The following DOCK10 variants were observed in gnomAD, a reference collection of about 807,000 sequenced individuals.
DOCK10 encodes dedicator of cytokinesis 10, also known as dedicator of cytokinesis protein 10.
Under a neutral mutation model 280.1 loss-of-function variants are expected in DOCK10, and 145 were observed. The ratio of observed to expected loss-of-function variants is 0.52; its 90% CI spans 0.45 to 0.59. The LOEUF (loss-of-function observed/expected upper bound fraction) is 0.59. Among genes scored for constraint, DOCK10 ranks in the 20% least tolerant of loss-of-function variants. The pLI is 0.00. For missense variants in DOCK10, 2,368 were observed against 2,651.7 expected (o/e 0.89, Z 2.35); for synonymous variants, 915 against 942.2 (o/e 0.97, Z 0.53).
intron 1 of DOCK10, among the ~76,000 whole-genome samples, chr2:224,964,965 T>C (rs1704649170): frequency 6.6e-6 from 1 of 152,194 alleles, no homozygotes; most frequent in Admixed American, 6.5e-5. Flanking sequence ...AGTATGGATG[T>C]CCGCAGCAAA....
chr2:224,996,641 A>T (rs1211644266), intron 1 of DOCK10, among the ~76,000 whole-genome samples: 1 of 152,228 alleles, frequency 6.6e-6, no homozygotes, highest in East Asian at 1.9e-4. Flanking sequence ...AAATCAAATA[A>T]GAAAATCCAT....
At chr2:225,034,342 T>C (rs1405360545) in intron 1 of DOCK10, among the ~76,000 whole-genome samples, 1 of 152,206 alleles carries the variant, frequency 6.6e-6, no homozygotes, top group Non-Finnish European at 1.5e-5. Context: ...TCCTCATCTA[T>C]AAAATGAGAA....
chr2:224,860,792 G>A (rs902851853), intron 14 of DOCK10: 1 of 152,202 alleles, frequency 6.6e-6, no homozygotes, highest in South Asian at 2.1e-4. Flanking sequence ...GCCCAGGCTG[G>A]TCTAGAATTC....
chr2:224,840,641 G>T (rs1162476531), intron 23 of DOCK10, among the ~76,000 whole-genome samples: 1 of 152,166 alleles, frequency 6.6e-6, no homozygotes, highest in East Asian at 1.9e-4. Context: ...GGAGGAGAAG[G>T]AACACTTGCA....
intron 25 of DOCK10, among the ~76,000 whole-genome samples, chr2:224,835,259 T>C (rs903336402): frequency 1.3e-5 from 2 of 152,244 alleles, no homozygotes; most frequent in Non-Finnish European, 2.9e-5. Flanking sequence ...GTGAGTAACG[T>C]CATCATCAAT....
At chr2:224,869,612 C>T (rs890217173) in intron 11 of DOCK10, among the ~76,000 whole-genome samples, 7 of 152,092 alleles carry the variant, frequency 4.6e-5, no homozygotes, top group African/African-American at 1.7e-4. Flanking sequence ...AAGTAATTTC[C>T]TAGTTTTTCA....
intron 22 of DOCK10, 127 bp from the exon 23 acceptor site, chr2:224,842,023 G>T: frequency 3.0e-6 from 2 of 672,146 alleles, no homozygotes; most frequent in South Asian, 3.8e-5. Context: ...GCTTTATTAA[G>T]GAGTCAGAGG....
intron 47 of DOCK10, among the ~76,000 whole-genome samples, chr2:224,791,788 A>C (rs1018313518): frequency 6.6e-6 from 1 of 152,092 alleles, no homozygotes; most frequent in Admixed American, 6.6e-5. Context: ...CAAATGTCTT[A>C]TATGCAAAAT....
intron 52 of DOCK10, among the ~76,000 whole-genome samples, chr2:224,774,421 T>C (rs369237474): frequency 4.6e-4 from 70 of 152,296 alleles, no homozygotes; most frequent in African/African-American, 1.7e-3. Flanking sequence ...TAAAAGTGTG[T>C]TGAGGAAATG....
At chr2:224,992,977 T>C (rs1238552986) in intron 1 of DOCK10, among the ~76,000 whole-genome samples, 2 of 152,190 alleles carry the variant, frequency 1.3e-5, no homozygotes, top group African/African-American at 4.8e-5. Flanking sequence ...CCTATAAATA[T>C]TTCTTTTGAA....
chr2:224,945,718 T>C (rs1016395891), intron 1 of DOCK10, among the ~76,000 whole-genome samples: 2 of 152,076 alleles, frequency 1.3e-5, no homozygotes, highest in African/African-American at 4.8e-5. Context: ...CCATCTCTGT[T>C]TCTATATTAA....
At chr2:224,838,155 A>C (rs773409209) in intron 24 of DOCK10, among the ~76,000 whole-genome samples, 4 of 152,216 alleles carry the variant, frequency 2.6e-5, no homozygotes, top group Non-Finnish European at 5.9e-5. Context: ...TGCGTTTTTG[A>C]CATTATCTTT....
At chr2:224,823,892 A>G (rs1282312289) in intron 27 of DOCK10, among the ~76,000 whole-genome samples, 1 of 152,188 alleles carries the variant, frequency 6.6e-6, no homozygotes, top group South Asian at 2.1e-4. Flanking sequence ...GTCAATCATA[A>G]CAAATATTAA....
chr2:224,854,696 T>A (rs981519809), intron 16 of DOCK10, among the ~76,000 whole-genome samples: 5 of 152,190 alleles, frequency 3.3e-5, no homozygotes, highest in Admixed American at 1.3e-4. Flanking sequence ...ACCAGGTAAG[T>A]AAGTGTTAGG....
intron 1 of DOCK10, among the ~76,000 whole-genome samples, chr2:224,933,865 C>T (rs1221501891): frequency 6.6e-6 from 1 of 152,126 alleles, no homozygotes; most frequent in African/African-American, 2.4e-5. Flanking sequence ...CGGGTTCTCA[C>T]TATCTTTTAA....
At chr2:224,869,301 G>T (rs1221973476) in intron 11 of DOCK10, among the ~76,000 whole-genome samples, 1 of 152,132 alleles carries the variant, frequency 6.6e-6, no homozygotes, top group Non-Finnish European at 1.5e-5. Context: ...AAAATTACAT[G>T]CTGTCAAACA....
In DOCK10 at chr2:224,765,555, CAAA is replaced by C; in HGVS notation, c.*163_*165del. 1.8e-6 allele frequency: 1 copy of C among 550,248 alleles called. No individual in the cohort carries two copies. The highest frequency in any genetic ancestry group is 3.4e-5 in the Admixed American group (1 of 29,606). The allele number at this position is 550,248 out of a possible 1,614,324, so 34.1% of individuals were successfully genotyped here. A position where few individuals can be genotyped will look rare whatever the true frequency, so the allele number is the denominator to read the frequency against. On this transcript the variant is annotated 3_prime_UTR_variant, in exon 56 of 56. Transcript: ENST00000258390. ...ACTGCTCAAAGAAAAAAAAATTATACAAAATGTGCAAATTCAGAGGTTGGCAAA... is the reference window on the plus strand; with the variant it reads ...ACTGCTCAAAGAAAAAAAAATTATACATGTGCAAATTCAGAGGTTGGCAAA...
At chr2:224,796,745 T>C (rs1692606785) in intron 43 of DOCK10, among the ~76,000 whole-genome samples, 1 of 152,184 alleles carries the variant, frequency 6.6e-6, no homozygotes, top group Non-Finnish European at 1.5e-5. Flanking sequence ...TTCTATTTCC[T>C]GGCAGAAGAA....
At chr2:224,779,448 T>A (rs1230229933) in intron 50 of DOCK10, among the ~76,000 whole-genome samples, 1 of 152,118 alleles carries the variant, frequency 6.6e-6, no homozygotes, top group East Asian at 1.9e-4. Flanking sequence ...ACTCTTGACC[T>A]CAGATGATCC....
Sources: allele counts gnomAD v4.1 joint callset (sites outside exome capture counted in the v4.1 genomes callset), GRCh38; gene constraint gnomAD v4.1.1; transcripts MANE v1.5; gene names NCBI Gene and HGNC (gene_info 2026-07-23, HGNC 2026-07-21).